The following CNTN5 variants were observed in gnomAD, a reference collection of about 807,000 sequenced individuals.
The protein encoded by CNTN5 is contactin-5.
Under a neutral mutation model 129.1 loss-of-function variants are expected in CNTN5, and 77 were observed. That is an observed-to-expected ratio of 0.60 (90% CI 0.50 to 0.72). The LOEUF (loss-of-function observed/expected upper bound fraction) is 0.72. CNTN5 is among the 30% of genes least tolerant of loss of function. CNTN5 has a pLI of 0.00. For missense variants in CNTN5, 1,478 were observed against 1,328.8 expected (o/e 1.11, Z -1.75); for synonymous variants, 509 against 465.6 (o/e 1.09, Z -1.20).
At chr11:99,059,250 G>A (rs1216808554) in intron 1 of CNTN5, among the ~76,000 whole-genome samples, 1 of 151,968 alleles carries the variant, frequency 6.6e-6, no homozygotes, top group Non-Finnish European at 1.5e-5. Flanking sequence ...GGTAGGCCTT[G>A]CCAATTAATT....
chr11:99,199,956 T>C (rs549595422), intron 1 of CNTN5, among the ~76,000 whole-genome samples: 1 of 147,930 alleles, frequency 6.8e-6, no homozygotes, highest in Non-Finnish European at 1.5e-5. Flanking sequence ...AACACCAATA[T>C]ATATCCATCA....
chr11:99,133,259 C>A (rs1000217788), intron 1 of CNTN5, among the ~76,000 whole-genome samples: 4 of 151,904 alleles, frequency 2.6e-5, no homozygotes, highest in Non-Finnish European at 5.9e-5. Context: ...ATTAACTCAA[C>A]ATGGATTAAA....
intron 6 of CNTN5, among the ~76,000 whole-genome samples, chr11:99,849,333 G>T (rs1385525595): frequency 6.6e-6 from 1 of 151,168 alleles, no homozygotes; most frequent in Non-Finnish European, 1.5e-5. Context: ...ATGGCTTTTT[G>T]CAGATTCAAC....
At chr11:99,866,980 G>A (rs912081731) in intron 6 of CNTN5, among the ~76,000 whole-genome samples, 6 of 152,136 alleles carry the variant, frequency 3.9e-5, no homozygotes, top group Non-Finnish European at 8.8e-5. Flanking sequence ...TACAATTTTA[G>A]GTGTGTGGAA....
chr11:99,877,335 A>T (rs892565155), intron 6 of CNTN5, among the ~76,000 whole-genome samples: 1 of 152,158 alleles, frequency 6.6e-6, no homozygotes, highest in Non-Finnish European at 1.5e-5. Flanking sequence ...GGGAGTAAAA[A>T]TCTAGTCTTT....
At chr11:99,756,385 A>G (rs1442292026) in intron 3 of CNTN5, among the ~76,000 whole-genome samples, 1 of 152,114 alleles carries the variant, frequency 6.6e-6, no homozygotes, top group Non-Finnish European at 1.5e-5. Context: ...TATTATTTGC[A>G]TAGATTAGCA....
intron 1 of CNTN5, among the ~76,000 whole-genome samples, chr11:99,317,713 G>A (rs963626950): frequency 5.9e-5 from 9 of 152,036 alleles, no homozygotes; most frequent in African/African-American, 2.2e-4. Context: ...TATGATTTTA[G>A]CGTTGCTACT....
Position 99,648,046 on chromosome 11 carries a change from G to A in CNTN5, c.55+91777G>A, listed in dbSNP as rs78661709. On this transcript the variant is annotated intron_variant, in intron 3 of 24. Coordinates refer to ENST00000524871, the MANE Select transcript of CNTN5 (RefSeq NM_014361.4). ...TTCTGGTTTCCTCATTCAGTATGAT[G>A]TTACCTGTGGGTTTACCACAGATAG... Among the ~76,000 whole-genome samples the A allele has an allele frequency of 6.9e-3, 1,044 of 152,060 alleles. 69 individuals carry two copies. The East Asian group carries it at 0.17, about 24-fold the overall frequency.
At chr11:99,970,914 A>T (rs1396854848) in intron 8 of CNTN5, among the ~76,000 whole-genome samples, 2 of 152,090 alleles carry the variant, frequency 1.3e-5, no homozygotes, top group South Asian at 4.2e-4. Context: ...TGACTCCATA[A>T]TTTTTCTTTC....
chr11:99,939,652 G>T (rs11221975), intron 7 of CNTN5, among the ~76,000 whole-genome samples: 2,469 of 151,848 alleles, frequency 0.016, 71 homozygotes, highest in African/African-American at 0.056. Flanking sequence ...ATATTTAATA[G>T]AAAAAAATAG....
intron 3 of CNTN5, among the ~76,000 whole-genome samples, chr11:99,804,783 T>C (rs1374569290): frequency 6.6e-6 from 1 of 150,780 alleles, no homozygotes; most frequent in African/African-American, 2.4e-5. Context: ...TCTTACAGAA[T>C]ATGGTAAAAT....
At chr11:99,862,881 T>C (rs546091125) in intron 6 of CNTN5, among the ~76,000 whole-genome samples, 8 of 152,212 alleles carry the variant, frequency 5.3e-5, no homozygotes, top group Admixed American at 1.3e-4. Flanking sequence ...GCATGTAACC[T>C]TCATTAATTT....
At chr11:99,166,877 T>C (rs12277976) in intron 1 of CNTN5, among the ~76,000 whole-genome samples, 65,605 of 151,544 alleles carry the variant, frequency 0.43, 15,023 homozygotes, top group East Asian at 0.81. Flanking sequence ...CATGTTTTCA[T>C]TGAAAAAATC....
intron 2 of CNTN5, among the ~76,000 whole-genome samples, chr11:99,554,351 T>C (rs1387197448): frequency 6.6e-6 from 1 of 152,086 alleles, no homozygotes; most frequent in East Asian, 1.9e-4. Context: ...AATAACTCCT[T>C]GAAATTTTAC....
At chr11:99,591,445 C>G (rs1054602472) in intron 3 of CNTN5, among the ~76,000 whole-genome samples, 5 of 144,430 alleles carry the variant, frequency 3.5e-5, no homozygotes, top group African/African-American at 1.3e-4. Flanking sequence ...TCGAGCAATT[C>G]TCCTGCCTCA....
At chr11:99,780,795 A>C (rs76018882) in intron 3 of CNTN5, among the ~76,000 whole-genome samples, 2 of 152,108 alleles carry the variant, frequency 1.3e-5, no homozygotes, top group South Asian at 2.1e-4. Context: ...AGAGGAACAC[A>C]CTGTGCCACA....
chr11:100,032,229 G>A (rs770586), intron 9 of CNTN5, among the ~76,000 whole-genome samples: 123,474 of 152,112 alleles, frequency 0.81, 50,885 homozygotes, highest in East Asian at 1. Flanking sequence ...ATCATTAGAT[G>A]CAGCAAATTA....
chr11:99,205,176 C>CAA (rs1555077314), intron 1 of CNTN5, among the ~76,000 whole-genome samples: 182 of 106,990 alleles, frequency 1.7e-3, no homozygotes, highest in Non-Finnish European at 3.1e-3. Flanking sequence ...AACAAACAAA[C>CAA]AAAAAAAACT....
intron 3 of CNTN5, among the ~76,000 whole-genome samples, chr11:99,804,218 T>C (rs930759948): frequency 5.3e-5 from 8 of 152,064 alleles, no homozygotes; most frequent in Admixed American, 1.3e-4. Context: ...GGTAGATACA[T>C]TTATTTGGAA....
Sources: allele counts gnomAD v4.1 joint callset (sites outside exome capture counted in the v4.1 genomes callset), GRCh38; gene constraint gnomAD v4.1.1; transcripts MANE v1.5; gene names NCBI Gene and HGNC (gene_info 2026-07-23, HGNC 2026-07-21).